Variants in PLA2G6 observed in about 807,000 individuals in gnomAD.
PLA2G6 encodes the protein phospholipase A2 group VI, also known as 85/88 kDa calcium-independent phospholipase A2.
A neutral mutation model predicts 83.8 loss-of-function variants in PLA2G6; 62 were observed. The ratio of observed to expected loss-of-function variants is 0.74; its 90% confidence interval spans 0.60 to 0.91. The LOEUF (loss-of-function observed/expected upper bound fraction) is 0.91, where lower values mean the gene tolerates loss of function less well. Ranked by LOEUF, PLA2G6 falls within the 40% of genes least tolerant of loss-of-function variation. The pLI is 0.00. For missense variants in PLA2G6, 944 were observed against 1,102.0 expected, an observed-to-expected ratio of 0.86 and a Z score of 2.03; for synonymous variants, 417 against 449.8, an observed-to-expected ratio of 0.93 and a Z score of 0.92.
intron 2 of PLA2G6, among the ~76,000 whole-genome samples, chr22:38,154,346 A>G (rs2089691771): frequency 6.6e-6 from 1 of 152,224 alleles, no homozygotes; most frequent in African/African-American, 2.4e-5. Context: ...TCCTAGTGAT[A>G]GTGGCCACAG....
chr22:38,113,691 T>G (rs748642020), intron 14 of PLA2G6, 37 bp from the exon 15 acceptor site: 9 of 1,605,046 alleles, frequency 5.6e-6, no homozygotes, highest in Non-Finnish European at 7.7e-6. Flanking sequence ...AGAAGAGACC[T>G]TCCACAGGTA....
rs1481460322 is a variant in PLA2G6, at chr22:38,111,762, C to T, written c.*399G>A. ...GGGCAGAGGGAGTGGGCTGCACCCA[C>T]CAGGAAGCCTGGGAGTGCCCTTGCT... On this transcript the variant is annotated 3_prime_UTR_variant, in exon 17 of 17. Coordinates refer to ENST00000332509, the MANE Select transcript of PLA2G6 (RefSeq NM_003560.4). The T allele has an allele frequency of 2.9e-6, 1 of 344,610 alleles. No individual in the cohort carries two copies. The highest frequency in any genetic ancestry group is 5.7e-6 in the Non-Finnish European group (1 of 175,558). 21.3% of individuals were successfully genotyped at this position (344,610 alleles called of 1,614,324 possible).
At chr22:38,160,325 C>T (rs1422352928) in intron 2 of PLA2G6, among the ~76,000 whole-genome samples, 1 of 152,142 alleles carries the variant, frequency 6.6e-6, no homozygotes, top group African/African-American at 2.4e-5. Flanking sequence ...ACGTTGAAGA[C>T]AAGTTATGGC....
chr22:38,139,592 G>C (rs546757163), intron 5 of PLA2G6: 15 of 181,808 alleles, frequency 8.3e-5, no homozygotes, highest in African/African-American at 3.5e-4. Context: ...GTGTCACCAC[G>C]CCCAGCTAAT....
rs993933767 is a variant in PLA2G6, at chr22:38,123,898, C to T, written c.1428-640G>A. ...TTGCCCAGGCTGGAGTGCAATAACG[C>T]GATCTCGGCTCACCGCAACCTCTGC... On this transcript the variant is annotated intron_variant, in intron 10 of 16. Coordinates refer to ENST00000332509, the MANE Select transcript of PLA2G6 (RefSeq NM_003560.4). This position sits in a 1 kb window ranked among gnomAD's most constrained non-coding sequence, Gnocchi z 4.1. 7.2e-5 allele frequency among the ~76,000 whole-genome samples: 11 copies of T among 152,148 alleles called. No homozygotes were observed. Among genetic ancestry groups the T allele is most frequent in the African/African-American group, 1.9e-4 (8 of 41,430 alleles).
Position 38,123,226 on chromosome 22 carries a change from C to G in PLA2G6, c.1460G>C (p.Gly487Ala). 6.4e-7 allele frequency: 1 copy of G among 1,558,202 alleles called. No individual in the cohort carries two copies. Among genetic ancestry groups the G allele is most frequent in the Non-Finnish European group, 8.7e-7 (1 of 1,150,712 alleles). Reference sequence around the variant, plus strand: ...CTGGATGATGATGAGGCCTTTCACTCCTCCTCCATCCAGGCACAGCAGGTG... The same window carrying G: ...CTGGATGATGATGAGGCCTTTCACTGCTCCTCCATCCAGGCACAGCAGGTG... ...HDHLLCLDGGGVKGLIIIQLL... is the reference protein window; with the variant it reads ...HDHLLCLDGGAVKGLIIIQLL... The change falls in exon 11 of 17, where the codon GGA becomes GCA. Residue 487 changes from glycine (G) to alanine (A), a missense_variant. By Grantham distance (60) the Gly-to-Ala change is moderately conservative. Transcript: ENST00000332509. This position sits in a 1 kb window ranked among gnomAD's most constrained non-coding sequence, Gnocchi z 4.1.
At chr22:38,146,963 A>G (rs1569279767) in intron 2 of PLA2G6, 1 of 151,738 alleles carries the variant, frequency 6.6e-6, no homozygotes, top group South Asian at 2.1e-4. Context: ...GTATTTTTAG[A>G]AGAGACAGAG....
chr22:38,125,682 G>A (rs2087812639), intron 10 of PLA2G6: 1 of 470,674 alleles, frequency 2.1e-6, no homozygotes, highest in Non-Finnish European at 4.4e-6. Context: ...CAGGGGCTCA[G>A]GTTCTGCATC....
intron 3 of PLA2G6, 137 bp downstream of exon 3, chr22:38,145,301 C>G: frequency 1.3e-6 from 1 of 767,514 alleles, no homozygotes; most frequent in Non-Finnish European, 2.3e-6. Flanking sequence ...AGTGCTGGGA[C>G]TGCGTTAGTG....
At chr22:38,129,391 T>G in intron 8 of PLA2G6, 63 bp downstream of exon 8, 2 of 1,154,350 alleles carry the variant, frequency 1.7e-6, no homozygotes, top group Non-Finnish European at 2.6e-6. Flanking sequence ...ACTTCCCTCC[T>G]CCTCGGTCCC....
chr22:38,145,124 C>T (rs2089172735), intron 3 of PLA2G6: 3 of 360,314 alleles, frequency 8.3e-6, no homozygotes, highest in Admixed American at 3.9e-5. Context: ...TCACTGTAAA[C>T]TCTAACTCCT....
chr22:38,133,663 C>T (rs1341558854), intron 6 of PLA2G6: 1 of 153,688 alleles, frequency 6.5e-6, no homozygotes, highest in Non-Finnish European at 1.4e-5. Context: ...AGTGCCCTCC[C>T]TCCTGGCCCA....
intron 12 of PLA2G6, among the ~76,000 whole-genome samples, chr22:38,118,527 G>A (rs1025179582): frequency 1.3e-5 from 2 of 152,096 alleles, no homozygotes; most frequent in Non-Finnish European, 2.9e-5. Context: ...AAAGTAAAAT[G>A]GTGGTTACTA....
At chr22:38,124,289 T>G (rs1215731005) in intron 10 of PLA2G6, among the ~76,000 whole-genome samples, 1 of 152,180 alleles carries the variant, frequency 6.6e-6, no homozygotes, top group Non-Finnish European at 1.5e-5. Context: ...CCACTGCGCC[T>G]ACTCTCTGTG....
chr22:38,143,517 C>T, intron 3 of PLA2G6: 1 of 622,402 alleles, frequency 1.6e-6, no homozygotes, highest in Non-Finnish European at 3.0e-6. Context: ...AAGAGATGGG[C>T]CCCAGGGCCA....
intron 2 of PLA2G6, among the ~76,000 whole-genome samples, chr22:38,165,706 G>A (rs556861391): frequency 9.2e-5 from 14 of 151,938 alleles, no homozygotes; most frequent in South Asian, 2.1e-4. Flanking sequence ...GTGAAACCCC[G>A]TCTCTACTAA....
chr22:38,178,711 C>T (rs930506422), intron 1 of PLA2G6, among the ~76,000 whole-genome samples: 5 of 152,118 alleles, frequency 3.3e-5, no homozygotes, highest in African/African-American at 9.7e-5. Context: ...CCAAAAAATA[C>T]AAAAATTAGC....
In PLA2G6 at chr22:38,115,687, G is replaced by A. The variant is rs1441468011; in HGVS notation, c.1880-6C>T. On this transcript the variant is annotated splice_region_variant and splice_polypyrimidine_tract_variant and intron_variant, in intron 13 of 16. Coordinates refer to ENST00000332509, the MANE Select transcript of PLA2G6 (RefSeq NM_003560.4). ...CGCCCGCCACACCAGCTGGTCTAGG[G>A]GCGGGGAAGGAGGGCGGCCCAGTGG... The A allele has an allele frequency of 6.3e-7, 1 of 1,597,478 alleles. No individual in the cohort carries two copies. The highest frequency in any genetic ancestry group is 1.1e-5 in the South Asian group (1 of 89,138).
rs772143897 is a variant in PLA2G6, at chr22:38,112,571, C to A, written c.2209G>T (p.Asp737Tyr). 4.2e-5 allele frequency: 65 copies of A among 1,551,586 alleles called. No homozygotes were observed. The highest frequency in any genetic ancestry group is 5.7e-5 in the Non-Finnish European group (65 of 1,148,396). ...CGGTCCACAGCCCGCCCGTCTGGATCCGTGCACTGGTGAGAAGCAGCCTTG... is the reference window on the plus strand; with the variant it reads ...CGGTCCACAGCCCGCCCGTCTGGATACGTGCACTGGTGAGAAGCAGCCTTG... ...LGKMVVDCCTDPDGRAVDRAR... is the reference protein window; with the variant it reads ...LGKMVVDCCTYPDGRAVDRAR... The change falls in exon 16 of 17, where the codon GAT becomes TAT. Residue 737 changes from aspartate to tyrosine, a missense_variant. Asp to Tyr is a radical substitution (Grantham distance 160). Transcript: ENST00000332509.
Sources: gnomAD v4.1 joint callset for allele counts (sites outside exome capture counted in the v4.1 genomes callset) on GRCh38, gnomAD v4.1.1 for gene constraint, Gnocchi (gnomAD v3.1) non-coding constraint, MANE v1.5 for transcripts, NCBI Gene and HGNC (gene_info 2026-07-23, HGNC 2026-07-21) for gene names.